Variants in TLE4 observed in about 807,000 individuals in gnomAD.
The protein encoded by TLE4 is transducin-like enhancer protein 4.
In TLE4, 8 loss-of-function variants were observed where a neutral mutation model predicts 92.8. That is an observed-to-expected ratio of 0.09 (90% CI 0.05 to 0.16). The LOEUF (loss-of-function observed/expected upper bound fraction) is 0.16. Among genes scored for constraint, TLE4 ranks in the 10% least tolerant of loss-of-function variants. The probability of loss-of-function intolerance (pLI) is 1.00; values close to 1 mark genes in which losing one functional copy is unlikely to be tolerated. For synonymous variants in TLE4, 371 were observed against 374.1 expected, an observed-to-expected ratio of 0.99 and a Z score of 0.10; for missense variants, 675 against 997.6, an observed-to-expected ratio of 0.68 and a Z score of 4.36.
At chr9:79,718,155 C>T (rs537686320) in intron 14 of TLE4, 6 of 439,038 alleles carry the variant, frequency 1.4e-5, no homozygotes, top group Non-Finnish European at 2.7e-5. Context: ...CAAGTCTGAT[C>T]AAGGTTTTAA....
chr9:79,717,294 A>G (rs1048997863), intron 14 of TLE4, among the ~76,000 whole-genome samples: 26 of 152,134 alleles, frequency 1.7e-4, no homozygotes, highest in African/African-American at 6.0e-4. Context: ...AATGCAGTCT[A>G]CCTAGTCACC....
chr9:79,582,513 C>G (rs2039936830), intron 4 of TLE4, among the ~76,000 whole-genome samples: 1 of 152,082 alleles, frequency 6.6e-6, no homozygotes, highest in Non-Finnish European at 1.5e-5. Context: ...TCTTTGCTTT[C>G]CTAGAATACA....
intron 8 of TLE4, among the ~76,000 whole-genome samples, chr9:79,664,291 C>G (rs1256737562): frequency 6.6e-6 from 1 of 152,186 alleles, no homozygotes; most frequent in Non-Finnish European, 1.5e-5. Context: ...AAAAATTTTT[C>G]TAGTAAATCT....
intron 8 of TLE4, among the ~76,000 whole-genome samples, chr9:79,689,913 CCT>C (rs1415784453): frequency 6.6e-6 from 1 of 152,124 alleles, no homozygotes. Context: ...TTAAGCCTAC[CCT>C]CTCTGGACAG....
chr9:79,600,957 CATT>C lies in TLE4; in HGVS notation c.253-11696_253-11694del, dbSNP rs567697572. Reference sequence around the variant, plus strand: ...CATCAAGTTGGTTCACTCGAGATAACATTATAGAGATTTCTCATGAACGCTGTA... The same window carrying C: ...CATCAAGTTGGTTCACTCGAGATAACATAGAGATTTCTCATGAACGCTGTA... On this transcript the variant is annotated intron_variant, in intron 4 of 19. Transcript: ENST00000376552. Among the ~76,000 whole-genome samples the C allele has an allele frequency of 2.6e-5, 4 of 152,244 alleles. No homozygotes were observed. The East Asian group carries it at 7.7e-4, about 29-fold the overall frequency.
intron 8 of TLE4, among the ~76,000 whole-genome samples, chr9:79,677,639 C>T (rs1475833801): frequency 2.1e-5 from 3 of 139,684 alleles, no homozygotes; most frequent in African/African-American, 5.4e-5. Context: ...AACAATTCTG[C>T]GTTTTGAATT....
intron 8 of TLE4, among the ~76,000 whole-genome samples, chr9:79,672,140 C>T (rs777561702): frequency 2.7e-5 from 4 of 150,436 alleles, no homozygotes; most frequent in Admixed American, 6.7e-5. Context: ...AGAGAGGGTG[C>T]GCAGAATGGA....
At position 79,583,865 on chromosome 9, in the gene TLE4, A is replaced by G. The variant is rs529019905; in HGVS notation, c.252+7688A>G. Among the ~76,000 whole-genome samples the G allele has an allele frequency of 3.9e-5, 6 of 152,308 alleles. No homozygotes were observed. In the East Asian group the frequency reaches 1.2e-3, roughly 29 times the overall value. On this transcript the variant is annotated intron_variant, in intron 4 of 19. Coordinates refer to ENST00000376552, the MANE Select transcript of TLE4 (RefSeq NM_007005.6). ...CTTTAATGTTCCTTATGTTCTGTGAAGCAGGTAGCAAGCTTGGATCCATGT... is the reference window on the plus strand; with the variant it reads ...CTTTAATGTTCCTTATGTTCTGTGAGGCAGGTAGCAAGCTTGGATCCATGT...
At chr9:79,601,389 G>C (rs2045616269) in intron 4 of TLE4, 1 of 456,512 alleles carries the variant, frequency 2.2e-6, no homozygotes, top group Non-Finnish European at 4.4e-6. Flanking sequence ...TTGTTTTACT[G>C]GGTCTTGCTT....
rs1294941462 is a variant in TLE4, at chr9:79,646,279, G to GGGGCAGA, written c.391-6304_391-6298dup. Among the ~76,000 whole-genome samples the GGGGCAGA allele has an allele frequency of 2.6e-5, 4 of 152,106 alleles. No homozygotes were observed. The East Asian group carries it at 5.8e-4, about 22-fold the overall frequency. ...TAATTGCTCTGTAATTAACCCAGATGGGGCAGAGGGCAGAGGACAGTTTTG... is the reference window on the plus strand; with the variant it reads ...TAATTGCTCTGTAATTAACCCAGATGGGGCAGAGGGCAGAGGGCAGAGGACAGTTTTG... On this transcript the variant is annotated intron_variant, in intron 6 of 19. Coordinates refer to ENST00000376552, the MANE Select transcript of TLE4 (RefSeq NM_007005.6).
chr9:79,603,612 G>A (rs1181853731), intron 4 of TLE4, among the ~76,000 whole-genome samples: 3 of 151,952 alleles, frequency 2.0e-5, no homozygotes, highest in Admixed American at 6.6e-5. Context: ...ACATGTACTG[G>A]GAAACCAAAA....
intron 4 of TLE4, among the ~76,000 whole-genome samples, chr9:79,609,561 T>G (rs1386434645): frequency 5.3e-5 from 8 of 152,078 alleles, no homozygotes. Flanking sequence ...GAAGATAGAA[T>G]GGAATTGTCA....
chr9:79,657,988 A>G (rs1387287133), intron 8 of TLE4, among the ~76,000 whole-genome samples: 2 of 152,188 alleles, frequency 1.3e-5, no homozygotes, highest in Admixed American at 6.5e-5. Context: ...TGCCTTTTTT[A>G]TCTGTAAAAT....
chr9:79,576,765 G>A (rs986517788), intron 4 of TLE4: 1 of 150,592 alleles, frequency 6.6e-6, no homozygotes, highest in African/African-American at 2.4e-5. Context: ...ATGTGATAAG[G>A]TTCAACATTG....
intron 8 of TLE4, among the ~76,000 whole-genome samples, chr9:79,658,965 G>T (rs1267552776): frequency 6.6e-6 from 1 of 152,172 alleles, no homozygotes; most frequent in Non-Finnish European, 1.5e-5. Flanking sequence ...TAACACTTCA[G>T]CATATCCACT....
chr9:79,585,842 C>T (rs1367950791), intron 4 of TLE4, among the ~76,000 whole-genome samples: 1 of 151,718 alleles, frequency 6.6e-6, no homozygotes, highest in Non-Finnish European at 1.5e-5. Context: ...TAAAGCATTC[C>T]CCCCGTCCTG....
At chr9:79,582,609 A>C (rs535442600) in intron 4 of TLE4, among the ~76,000 whole-genome samples, 1 of 145,272 alleles carries the variant, frequency 6.9e-6, no homozygotes, top group Non-Finnish European at 1.5e-5. Context: ...AAATGCATTT[A>C]TAAGTTATTT....
Position 79,708,196 on chromosome 9 carries a change from T to C in TLE4, c.1015T>C (p.Ser339Pro). 6.2e-7 allele frequency: 1 copy of C among 1,614,140 alleles called. No individual in the cohort carries two copies. ...TGATGCGCCCACCCCAGGCAGTAACTCTACTCCCGGATTGAGGCCTGTACC... is the reference window on the plus strand; with the variant it reads ...TGATGCGCCCACCCCAGGCAGTAACCCTACTCCCGGATTGAGGCCTGTACC... ...RTDAPTPGSN[S>P]TPGLRPVPGK... is the part of the protein sequence containing the mutation. The change falls in exon 12 of 20, where the codon TCT becomes CCT. Residue 339 changes from serine to proline, a missense_variant. Coordinates refer to ENST00000376552, the MANE Select transcript of TLE4 (RefSeq NM_007005.6).
intron 4 of TLE4, among the ~76,000 whole-genome samples, chr9:79,578,350 A>G (rs2038590232): frequency 6.6e-6 from 1 of 152,198 alleles, no homozygotes; most frequent in Non-Finnish European, 1.5e-5. Flanking sequence ...TACCCTAGTA[A>G]TTGGTGGCCC....
Sources: allele counts gnomAD v4.1 joint callset (sites outside exome capture counted in the v4.1 genomes callset), GRCh38; gene constraint gnomAD v4.1.1; transcripts MANE v1.5; gene names NCBI Gene and HGNC (gene_info 2026-07-23, HGNC 2026-07-21).